TTC7A: variants seen among roughly 807,000 people sequenced by gnomAD.
TTC7A encodes tetratricopeptide repeat protein 7A.
Under a neutral mutation model 103.7 loss-of-function variants are expected in TTC7A, and 110 were observed. That is an observed-to-expected ratio of 1.06 (90% CI 0.91 to 1.24). The LOEUF (loss-of-function observed/expected upper bound fraction) is 1.24. Ranked by LOEUF, TTC7A falls within the 50% of genes most tolerant of loss-of-function variation. TTC7A has a pLI of 0.00. For missense variants in TTC7A, 1,340 were observed against 1,116.3 expected (o/e 1.20, Z -2.86); for synonymous variants, 521 against 467.9 (o/e 1.11, Z -1.47).
At chr2:47,017,481 GA>G (rs1678797937) in intron 11 of TTC7A, among the ~76,000 whole-genome samples, 3 of 152,178 alleles carry the variant, frequency 2.0e-5, no homozygotes, top group Non-Finnish European at 4.4e-5. Flanking sequence ...AGGCTGCAGT[GA>G]GCTATGGTCA....
In TTC7A at chr2:47,006,633, C is replaced by T; in HGVS notation, c.1204-8C>T. 6.2e-7 allele frequency: 1 copy of T among 1,613,366 alleles called. No homozygotes were observed. The highest frequency in any genetic ancestry group is 1.1e-5 in the South Asian group (1 of 91,066). On this transcript the variant is annotated splice_region_variant and splice_polypyrimidine_tract_variant and intron_variant, in intron 9 of 19. Coordinates refer to ENST00000319190, the MANE Select transcript of TTC7A (RefSeq NM_020458.4). ...GGTGGGTAAATGCTGACTATCTCCC[C>T]TCCCCAGTGCCTGGAGCGAGCCATG...
At chr2:46,919,277 G>A (rs888819344) in intron 2 of TTC7A, among the ~76,000 whole-genome samples, 1 of 152,250 alleles carries the variant, frequency 6.6e-6, no homozygotes, top group Non-Finnish European at 1.5e-5. Context: ...GCTCACGCCT[G>A]TAATCCCAGC....
chr2:46,934,779 C>T (rs1309559017), intron 2 of TTC7A, among the ~76,000 whole-genome samples: 1 of 132,460 alleles, frequency 7.5e-6, no homozygotes, highest in African/African-American at 2.8e-5. Flanking sequence ...GGTATGAAGA[C>T]TACTGCTCTT....
intron 15 of TTC7A, among the ~76,000 whole-genome samples, chr2:47,037,235 G>C (rs929773428): frequency 1.3e-5 from 2 of 152,194 alleles, no homozygotes; most frequent in African/African-American, 2.4e-5. Context: ...GTTTGAGTTT[G>C]GAAGTACCTT....
At chr2:47,039,370 T>C (rs988702839) in intron 15 of TTC7A, among the ~76,000 whole-genome samples, 2 of 152,184 alleles carry the variant, frequency 1.3e-5, no homozygotes, top group African/African-American at 4.8e-5. Flanking sequence ...TGCAGCCAGC[T>C]CTGCTCTGCC....
chr2:46,950,334 G>A (rs746594164), intron 1 of TTC7A, 29 bp from the exon 2 acceptor site: 2 of 1,612,722 alleles, frequency 1.2e-6, no homozygotes, highest in South Asian at 1.1e-5. Context: ...TTCGGGGTTT[G>A]CTGCTCTGAC....
intron 8 of TTC7A, chr2:46,999,620 A>C (rs752986252): frequency 1.0e-6 from 1 of 985,456 alleles, no homozygotes. Context: ...CTGGTCCCCA[A>C]ATCAGAAGGA....
chr2:47,025,302 C>T (rs772871204), intron 14 of TTC7A, among the ~76,000 whole-genome samples: 24 of 152,172 alleles, frequency 1.6e-4, no homozygotes, highest in African/African-American at 4.6e-4. Flanking sequence ...CATTTTTTAC[C>T]GGAGGACACC....
chr2:46,994,165 G>T, intron 6 of TTC7A, 192 bp from the exon 7 acceptor site: 1 of 624,276 alleles, frequency 1.6e-6, no homozygotes, highest in South Asian at 2.1e-5. Flanking sequence ...GCCAGCAGAG[G>T]GGTGGGAGCG....
chr2:47,053,950 G>A (rs955032252), intron 18 of TTC7A: 1 of 179,728 alleles, frequency 5.6e-6, no homozygotes, highest in Admixed American at 6.5e-5. Flanking sequence ...TTTATACTAG[G>A]GATGTTAGCA....
At chr2:46,970,624 G>C (rs1214837139) in intron 3 of TTC7A, among the ~76,000 whole-genome samples, 1 of 152,238 alleles carries the variant, frequency 6.6e-6, no homozygotes, top group African/African-American at 2.4e-5. Flanking sequence ...CCTGCCACCT[G>C]CAGTTGGTCT....
chr2:46,987,177 G>A (rs372207305), intron 5 of TTC7A, among the ~76,000 whole-genome samples: 3 of 152,336 alleles, frequency 2.0e-5, no homozygotes, highest in East Asian at 3.9e-4. Context: ...TCCCCTCACC[G>A]CCACTAGAGG....
At chr2:47,021,593 C>T (rs1217636386) in intron 11 of TTC7A, among the ~76,000 whole-genome samples, 3 of 152,174 alleles carry the variant, frequency 2.0e-5, no homozygotes, top group African/African-American at 4.8e-5. Flanking sequence ...CTCTATGTGC[C>T]GAGCAGGACA....
chr2:46,946,904 GTGTC>G (rs1670989949), intron 1 of TTC7A, among the ~76,000 whole-genome samples: 3 of 152,284 alleles, frequency 2.0e-5, no homozygotes, highest in African/African-American at 7.2e-5. Flanking sequence ...TGCCTGCTGA[GTGTC>G]TGGCCATGTT....
At chr2:47,066,825 G>A (rs1684219862) in intron 19 of TTC7A, among the ~76,000 whole-genome samples, 1 of 152,082 alleles carries the variant, frequency 6.6e-6, no homozygotes, top group Admixed American at 6.6e-5. Flanking sequence ...AAAAGTGCTG[G>A]GATTACAGGC....
In TTC7A at chr2:46,994,242, G is replaced by C. The variant is rs576270812; in HGVS notation, c.844-115G>C. Reference sequence around the variant, plus strand: ...AGTGGGGTTGGGGAGTTTACCCAAAGGGCCGCACATTGCAAGCGGGGCAGA... The same window carrying C: ...AGTGGGGTTGGGGAGTTTACCCAAACGGCCGCACATTGCAAGCGGGGCAGA... On this transcript the variant is annotated intron_variant, in intron 6 of 19. Transcript: ENST00000319190. 3.1e-6 allele frequency: 4 copies of C among 1,304,156 alleles called. No individual in the cohort carries two copies. In the African/African-American group the frequency reaches 5.9e-5, roughly 19 times the overall value. The allele number at this position is 1,304,156 out of a possible 1,614,324, so 80.8% of individuals were successfully genotyped here.
chr2:46,984,905 G>A (rs778475287), intron 5 of TTC7A, among the ~76,000 whole-genome samples: 7 of 152,166 alleles, frequency 4.6e-5, no homozygotes, highest in Non-Finnish European at 8.8e-5. Flanking sequence ...TGTGGGAGAA[G>A]CCAGGGCCTA....
intron 14 of TTC7A, 86 bp from the exon 15 acceptor site, chr2:47,029,138 A>C: frequency 6.7e-7 from 1 of 1,498,278 alleles, no homozygotes; most frequent in Non-Finnish European, 9.1e-7. Flanking sequence ...GTTGAGTGTG[A>C]GTGCCCTTGT....
At chr2:47,003,898 A>G (rs1036101805) in intron 8 of TTC7A, among the ~76,000 whole-genome samples, 1 of 152,184 alleles carries the variant, frequency 6.6e-6, no homozygotes, top group African/African-American at 2.4e-5. Flanking sequence ...GGGTCAGTAC[A>G]TCGCCGGGGA....
Sources: allele counts gnomAD v4.1 joint callset (sites outside exome capture counted in the v4.1 genomes callset), GRCh38; gene constraint gnomAD v4.1.1; transcripts MANE v1.5; gene names NCBI Gene and HGNC (gene_info 2026-07-23, HGNC 2026-07-21).